TNRC6B: variants seen among roughly 807,000 people sequenced by gnomAD.
The protein encoded by TNRC6B is trinucleotide repeat-containing gene 6B protein.
Under a neutral mutation model 203.6 loss-of-function variants are expected in TNRC6B, and 52 were observed. That is an observed-to-expected ratio of 0.26 (90% CI 0.20 to 0.32). The LOEUF (loss-of-function observed/expected upper bound fraction) is 0.32, where lower values mean the gene tolerates loss of function less well. Ranked by LOEUF, TNRC6B falls within the 10% of genes least tolerant of loss-of-function variation. The pLI is 1.00. For missense variants in TNRC6B, 1,923 were observed against 2,286.2 expected (o/e 0.84, Z 3.24); for synonymous variants, 838 against 845.7 (o/e 0.99, Z 0.16).
At position 40,145,298 on chromosome 22, in the gene TNRC6B, G is replaced by A. The variant is rs571371078; in HGVS notation, c.46-10817G>A. ...AAAATTCATTGAGCCTACACTTAAA[G>A]TGTGTGTATTTTTCTGCTTGTGAAT... On this transcript the variant is annotated intron_variant, in intron 3 of 23. Transcript: ENST00000301923. 3.5e-4 allele frequency among the ~76,000 whole-genome samples: 53 copies of A among 151,996 alleles called. 2 individuals are homozygous for A. In the South Asian group the frequency reaches 0.011, roughly 31 times the overall value.
chr22:40,311,574 T>C (rs1339880106), intron 17 of TNRC6B, among the ~76,000 whole-genome samples: 3 of 151,690 alleles, frequency 2.0e-5, no homozygotes, highest in Non-Finnish European at 4.4e-5. Flanking sequence ...GGAGTTTTGC[T>C]CTTATTACCC....
In TNRC6B at chr22:40,323,133, T is replaced by C; in HGVS notation, c.5394T>C (p.Tyr1798=). The C allele has an allele frequency of 6.2e-7, 1 of 1,613,720 alleles. No individual in the cohort carries two copies. The highest frequency in any genetic ancestry group is 8.5e-7 in the Non-Finnish European group (1 of 1,179,774). ...AGASLWGPPN[Y]SSSLWGVPTV... ...CTTCATTGTGGGGGCCCCCAAACTA[T>C]TCTTCTAGCTTATGGGGAGTCCCAA... The change falls in exon 23 of 23, where the codon TAT becomes TAC. Residue 1798 remains tyrosine (Y), a synonymous_variant. Coordinates refer to ENST00000454349, the MANE Select transcript of TNRC6B (RefSeq NM_001162501.2).
At chr22:40,107,018 T>A (rs1302854144) in intron 1 of TNRC6B, 1 of 1,096,460 alleles carries the variant, frequency 9.1e-7, no homozygotes, top group African/African-American at 1.5e-5. Flanking sequence ...TCTTAAGGAT[T>A]TCTGGCACAG....
chr22:40,229,519 G>A (rs1020215456), intron 1 of TNRC6B, among the ~76,000 whole-genome samples: 5 of 151,478 alleles, frequency 3.3e-5, no homozygotes, highest in African/African-American at 9.7e-5. Flanking sequence ...TTTACAATGC[G>A]GTAAGTTTCA....
intron 1 of TNRC6B, among the ~76,000 whole-genome samples, chr22:40,209,290 T>C (rs2069527387): frequency 6.6e-6 from 1 of 152,178 alleles, no homozygotes; most frequent in Admixed American, 6.5e-5. Context: ...ATCCATTTAG[T>C]TAATGGATAG....
intron 12 of TNRC6B, among the ~76,000 whole-genome samples, chr22:40,298,174 A>T (rs575209654): frequency 6.6e-6 from 1 of 152,092 alleles, no homozygotes; most frequent in Non-Finnish European, 1.5e-5. Flanking sequence ...ATTAAAAAAA[A>T]CCCAGCTACA....
At chr22:40,076,877 T>C (rs2068018941) in intron 1 of TNRC6B, among the ~76,000 whole-genome samples, 1 of 152,130 alleles carries the variant, frequency 6.6e-6, no homozygotes, top group Non-Finnish European at 1.5e-5. Flanking sequence ...CAGCAATTCT[T>C]AGCTGGGTGC....
chr22:40,115,748 G>C (rs1399641535), intron 1 of TNRC6B, among the ~76,000 whole-genome samples: 1 of 152,190 alleles, frequency 6.6e-6, no homozygotes. Context: ...GAAGGGAATA[G>C]GCAGAGGGCT....
intron 3 of TNRC6B, among the ~76,000 whole-genome samples, chr22:40,253,086 TTTTTTTTC>T (rs1455983397): frequency 5.4e-5 from 8 of 148,856 alleles, no homozygotes; most frequent in Non-Finnish European, 8.8e-5. Context: ...GCATCTTTTC[TTTTTTTTC>T]TTTTTTTCTT....
At chr22:40,273,299 T>G (rs1298950658) in intron 6 of TNRC6B, 126 bp from the exon 7 acceptor site, 13 of 851,400 alleles carry the variant, frequency 1.5e-5, no homozygotes, top group Non-Finnish European at 2.1e-5. Context: ...ATAATATTTG[T>G]CTTGCCATGG....
intron 1 of TNRC6B, among the ~76,000 whole-genome samples, chr22:40,182,405 G>C (rs773359317): frequency 1.3e-5 from 2 of 152,190 alleles, no homozygotes; most frequent in African/African-American, 4.8e-5. Flanking sequence ...AGTATTGTTC[G>C]TGGATTTACT....
intron 1 of TNRC6B, among the ~76,000 whole-genome samples, chr22:40,081,565 T>G (rs2068064286): frequency 6.6e-6 from 1 of 152,216 alleles, no homozygotes; most frequent in African/African-American, 2.4e-5. Context: ...TTAGATAACC[T>G]AAGTGCTCAA....
At chr22:40,322,502 C>A (rs1452457236) in intron 22 of TNRC6B, among the ~76,000 whole-genome samples, 1 of 152,232 alleles carries the variant, frequency 6.6e-6, no homozygotes, top group African/African-American at 2.4e-5. Flanking sequence ...TAGCCCCCCA[C>A]AGACACACAC....
chr22:40,278,917 T>G (rs2070688953), intron 9 of TNRC6B, among the ~76,000 whole-genome samples: 1 of 152,170 alleles, frequency 6.6e-6, no homozygotes, highest in Admixed American at 6.5e-5. Context: ...ATTTTTGTAT[T>G]TTTAGTAGGG....
intron 14 of TNRC6B, 42 bp from the exon 15 acceptor site, chr22:40,301,108 C>A: frequency 1.3e-6 from 2 of 1,553,488 alleles, no homozygotes; most frequent in Non-Finnish European, 8.7e-7. Flanking sequence ...CTGGGAAGTT[C>A]GGGGCCGTGC....
chr22:40,055,772 T>C (rs974802752), intron 1 of TNRC6B, among the ~76,000 whole-genome samples: 2 of 152,184 alleles, frequency 1.3e-5, no homozygotes, highest in African/African-American at 4.8e-5. Context: ...AAGTGACTTC[T>C]AGATCACCTG....
chr22:40,288,035 C>G (rs1279605160), intron 12 of TNRC6B, among the ~76,000 whole-genome samples: 1 of 152,210 alleles, frequency 6.6e-6, no homozygotes, highest in Non-Finnish European at 1.5e-5. Context: ...AAGAACATAG[C>G]ATTTGGGGGA....
rs949082474 is a variant in TNRC6B, at chr22:40,327,771, G to C, written c.*4530G>C. The C allele has an allele frequency of 2.0e-5, 3 of 152,094 alleles. No homozygotes were observed. Among genetic ancestry groups the C allele is most frequent in the African/African-American group, 7.2e-5 (3 of 41,396 alleles). 9.4% of individuals were successfully genotyped at this position (152,094 alleles called of 1,614,324 possible). A position where few individuals can be genotyped will look rare whatever the true frequency, so the allele number is the denominator to read the frequency against. On this transcript the variant is annotated 3_prime_UTR_variant, in exon 23 of 23. Transcript: ENST00000454349. ...TTCTCTTCTACCACACTCTGGCATA[G>C]ATACAGGCTTGCTGGTCACCTCTCA...
At chr22:40,197,534 C>G (rs755003894) in intron 1 of TNRC6B, among the ~76,000 whole-genome samples, 2 of 151,720 alleles carry the variant, frequency 1.3e-5, no homozygotes, top group Non-Finnish European at 2.9e-5. Context: ...TGATCTACCC[C>G]CCTCGGCCTC....
Sources: gnomAD v4.1 joint callset for allele counts (sites outside exome capture counted in the v4.1 genomes callset) on GRCh38, gnomAD v4.1.1 for gene constraint, MANE v1.5 for transcripts, NCBI Gene and HGNC (gene_info 2026-07-23, HGNC 2026-07-21) for gene names.